The following ZNF672 variants were observed in gnomAD, a reference collection of about 807,000 sequenced individuals.
ZNF672 encodes hypothetical protein FLJ22301.
For missense variants in ZNF672, 733 were observed against 701.1 expected, an observed-to-expected ratio of 1.05 and a Z score of -0.51; for synonymous variants, 358 against 305.6, an observed-to-expected ratio of 1.17 and a Z score of -1.79.
At chr1:248,844,029 C>G (rs1381284475) in intron 1 of ZNF672, among the ~76,000 whole-genome samples, 1 of 152,196 alleles carries the variant, frequency 6.6e-6, no homozygotes, top group African/African-American at 2.4e-5. Flanking sequence ...CCCAGAAATG[C>G]TGGCGTGGCA....
In ZNF672 at chr1:248,838,261, A is replaced by G. The variant is rs1028374851; in HGVS notation, c.-765A>G. On this transcript the variant is annotated 5_prime_UTR_variant, in exon 1 of 4. Coordinates refer to ENST00000306562, the MANE Select transcript of ZNF672 (RefSeq NM_024836.3). ...TTCCCGGCTCCAGCTGGGGCCGGAG[A>G]GGCTGAGTGGTTGGTACGCTGCTCG... The G allele has an allele frequency of 6.6e-6, 1 of 152,132 alleles. No homozygotes were observed. The highest frequency in any genetic ancestry group is 1.5e-5 in the Non-Finnish European group (1 of 68,080). The allele number at this position is 152,132 out of a possible 1,614,324, so 9.4% of individuals were successfully genotyped here.
chr1:248,848,280 G>A lies in ZNF672; in HGVS notation c.1006G>A (p.Glu336Lys), dbSNP rs557491045. The A allele has an allele frequency of 2.5e-6, 4 of 1,602,944 alleles. No individual in the cohort carries two copies. Among genetic ancestry groups the A allele is most frequent in the Non-Finnish European group, 3.4e-6 (4 of 1,179,314 alleles). Residue 336 changes from glutamate (E) to lysine (K), a missense_variant, in exon 4 of 4, where the codon GAG becomes AAG. By Grantham distance (56) the Glu-to-Lys change is moderately conservative (BLOSUM62 1). Coordinates refer to ENST00000306562, the MANE Select transcript of ZNF672 (RefSeq NM_024836.3). ...LTKHRRTHTG[E>K]KPYRCELCGK... ...CAAGCACCGGCGCACGCACACGGGC[G>A]AGAAGCCCTACCGCTGCGAACTGTG...
rs202084240 is a variant in ZNF672, at chr1:248,847,208, AG to A, written c.-66del. 7,733 of 1,537,954 alleles carry A rather than the reference AG, an allele frequency of 5.0e-3. 329 individuals are homozygous for A. The African/African-American group carries it at 0.09, about 18-fold the overall frequency. ...CCAGGCCTTAAGAGAAGTAAAACTT[AG>A]CTGCAGCGTCAGGAGGTGGACCCCA... On this transcript the variant is annotated 5_prime_UTR_variant, in exon 4 of 4. Transcript: ENST00000306562.
In ZNF672 at chr1:248,848,204, C is replaced by T. The variant is rs780266925; in HGVS notation, c.930C>T (p.Pro310=). 1.2e-6 allele frequency: 2 copies of T among 1,600,448 alleles called. No homozygotes were observed. Among genetic ancestry groups the T allele is most frequent in the Non-Finnish European group, 1.7e-6 (2 of 1,177,102 alleles). The change falls in exon 4 of 4, where the codon CCC becomes CCT. Residue 310 remains proline (P), a synonymous_variant. Coordinates refer to ENST00000306562, the MANE Select transcript of ZNF672 (RefSeq NM_024836.3). ...VHQRIHTGEK[P]FACPECGRRF... ...AGCGCATCCACACGGGCGAGAAGCC[C>T]TTCGCGTGCCCCGAGTGCGGCCGCC...
rs77548200 is a variant in ZNF672 at position 248,847,343 on chromosome 1, C to T, written c.69C>T (p.Phe23=). Residue 23 remains phenylalanine (F), a synonymous_variant, in exon 4 of 4, where the codon TTC becomes TTT. Coordinates refer to ENST00000306562, the MANE Select transcript of ZNF672 (RefSeq NM_024836.3). ...PYSCSECGKS[F]CYSSVLLRHE... ...CGTGCAGCGAATGTGGCAAGAGCTT[C>T]TGCTACAGCTCAGTGCTGCTGCGAC... 1 of 1,612,716 alleles carries T rather than the reference C, an allele frequency of 6.2e-7. No individual in the cohort carries two copies. Among genetic ancestry groups the T allele is most frequent in the African/African-American group, 1.3e-5 (1 of 75,056 alleles).
rs931772100 is a variant in ZNF672 at position 248,838,352 on chromosome 1, G to C, written c.-674G>C. 21 of 152,234 alleles carry C rather than the reference G, an allele frequency of 1.4e-4. No individual in the cohort carries two copies. The highest frequency in any genetic ancestry group is 4.8e-4 in the African/African-American group (20 of 41,458). The allele number at this position is 152,234 out of a possible 1,614,324, so 9.4% of individuals were successfully genotyped here. On this transcript the variant is annotated 5_prime_UTR_variant, in exon 1 of 4. Coordinates refer to ENST00000306562, the MANE Select transcript of ZNF672 (RefSeq NM_024836.3). The stretch of plus-strand genomic sequence containing the variant: ...CGCCAGACTGACCACTAGCCGACGC[G>C]GGCGAGAGGGACAGGAGCGTGACCT...
intron 1 of ZNF672, among the ~76,000 whole-genome samples, chr1:248,839,617 G>T (rs1558236679): frequency 6.6e-6 from 1 of 152,062 alleles, no homozygotes; most frequent in Non-Finnish European, 1.5e-5. Context: ...TGCATTCCAA[G>T]CTGGGTGACA....
chr1:248,846,675 G>T (rs1046069511), intron 3 of ZNF672, among the ~76,000 whole-genome samples: 3 of 152,184 alleles, frequency 2.0e-5, no homozygotes, highest in African/African-American at 7.2e-5. Flanking sequence ...AAACGCAGGG[G>T]ACTTCTCACT....
chr1:248,846,274 T>C (rs758199512), intron 3 of ZNF672, among the ~76,000 whole-genome samples: 3 of 152,212 alleles, frequency 2.0e-5, no homozygotes, highest in Non-Finnish European at 4.4e-5. Flanking sequence ...CTCCCCAGCC[T>C]TTCCTGAAAA....
At position 248,847,434 on chromosome 1, in the gene ZNF672, G is replaced by C. The variant is rs775881820; in HGVS notation, c.160G>C (p.Ala54Pro). ...AGAATGCGGTGAGCGCTGTGCACGG[G>C]CTGCTGACCTCCGAGCGCACAGGCG... ...CLECGERCAR[A>P]ADLRAHRRTH... Residue 54 changes from alanine (A) to proline (P), a missense_variant, in exon 4 of 4, where the codon GCT becomes CCT. By Grantham distance (27) the Ala-to-Pro change is conservative. Transcript: ENST00000306562. 6.3e-7 allele frequency: 1 copy of C among 1,590,960 alleles called. No homozygotes were observed. Among genetic ancestry groups the C allele is most frequent in the South Asian group, 1.1e-5 (1 of 88,278 alleles).
chr1:248,844,050 C>T (rs953956676), intron 1 of ZNF672, among the ~76,000 whole-genome samples: 3 of 152,110 alleles, frequency 2.0e-5, no homozygotes, highest in African/African-American at 7.2e-5. Flanking sequence ...GAACAGATAA[C>T]CAGGGAAGAA....
In ZNF672 at chr1:248,849,481, C is replaced by A; in HGVS notation, c.*848C>A. 3.7e-6 allele frequency: 1 copy of A among 273,314 alleles called. No homozygotes were observed. The allele number at this position is 273,314 out of a possible 1,614,324, so 16.9% of individuals were successfully genotyped here. The stretch of plus-strand genomic sequence containing the variant: ...TCCCCTGGAGCCGGTCAACTTTTTG[C>A]TCATGGCTAGTGAAATAAAGTTGTT... On this transcript the variant is annotated 3_prime_UTR_variant, in exon 4 of 4. Coordinates refer to ENST00000306562, the MANE Select transcript of ZNF672 (RefSeq NM_024836.3).
chr1:248,846,120 C>T (rs572344279), intron 3 of ZNF672, among the ~76,000 whole-genome samples: 1 of 152,322 alleles, frequency 6.6e-6, no homozygotes, highest in African/African-American at 2.4e-5. Flanking sequence ...TCCAGATTCT[C>T]AGATTCCTGT....
chr1:248,844,451 T>C (rs1664725415), intron 1 of ZNF672, 32 bp from the exon 2 acceptor site: 1 of 152,206 alleles, frequency 6.6e-6, no homozygotes, highest in African/African-American at 2.4e-5. Context: ...AGTCAGTCTT[T>C]TTTTTTGGCA....
At position 248,848,669 on chromosome 1, in the gene ZNF672, T is replaced by G. The variant is rs901243748; in HGVS notation, c.*36T>G. 1 of 1,533,004 alleles carries G rather than the reference T, an allele frequency of 6.5e-7. No individual in the cohort carries two copies. The highest frequency in any genetic ancestry group is 8.8e-7 in the Non-Finnish European group (1 of 1,141,444). The allele number at this position is 1,533,004 out of a possible 1,614,324, so 95.0% of individuals were successfully genotyped here. Reference sequence around the variant, plus strand: ...CTTGCTGAGGCTTCTCTAAAGGTGGTTGGGCAAGCACCTATATAGTATCAC... The same window carrying G: ...CTTGCTGAGGCTTCTCTAAAGGTGGGTGGGCAAGCACCTATATAGTATCAC... On this transcript the variant is annotated 3_prime_UTR_variant, in exon 4 of 4. Coordinates refer to ENST00000306562, the MANE Select transcript of ZNF672 (RefSeq NM_024836.3).
chr1:248,845,943 G>C (rs2103029422), intron 3 of ZNF672, among the ~76,000 whole-genome samples: 1 of 152,330 alleles, frequency 6.6e-6, no homozygotes, highest in Admixed American at 6.5e-5. Flanking sequence ...CAGCCACATT[G>C]TGCTCTTGAC....
At position 248,847,458 on chromosome 1, in the gene ZNF672, C is replaced by T. The variant is rs1187341146; in HGVS notation, c.184C>T (p.Arg62Cys). The change falls in exon 4 of 4, where the codon CGC becomes TGC. Residue 62 changes from arginine (R) to cysteine (C), a missense_variant. Arg to Cys is a radical substitution (Grantham distance 180). Transcript: ENST00000306562. ...GGCTGCTGACCTCCGAGCGCACAGG[C>T]GCACGCATGCTGGCCAGACCCTCTA... is the stretch of plus-strand genomic sequence containing the variant. ...ARAADLRAHR[R>C]THAGQTLYIC... 2 of 1,592,294 alleles carry T rather than the reference C, an allele frequency of 1.3e-6. No homozygotes were observed. The highest frequency in any genetic ancestry group is 8.5e-7 in the Non-Finnish European group (1 of 1,169,626).
rs765988170 is a variant in ZNF672 at position 248,848,459 on chromosome 1, GGAGTGCGCA to G, written c.1193_1201del (p.Ala398_Cys400del). The stretch of plus-strand genomic sequence containing the variant: ...AGACGCACCTGGGCGAACGGCCAGC[GGAGTGCGCA>G]GAGTGCGGCAAGTGCTTCAGCCACA... On this transcript the variant is annotated inframe_deletion, in exon 4 of 4. Coordinates refer to ENST00000306562, the MANE Select transcript of ZNF672 (RefSeq NM_024836.3). The G allele has an allele frequency of 1.4e-5, 22 of 1,607,734 alleles. No individual in the cohort carries two copies. The highest frequency in any genetic ancestry group is 1.8e-5 in the Non-Finnish European group (21 of 1,178,184).
At chr1:248,846,052 G>T (rs879338015) in intron 3 of ZNF672, among the ~76,000 whole-genome samples, 12 of 152,234 alleles carry the variant, frequency 7.9e-5, no homozygotes, top group African/African-American at 2.9e-4. Context: ...GGGATATCAT[G>T]TGAGACAAAT....
Sources: allele counts gnomAD v4.1 joint callset (sites outside exome capture counted in the v4.1 genomes callset), GRCh38; gene constraint gnomAD v4.1.1; transcripts MANE v1.5; gene names NCBI Gene and HGNC (gene_info 2026-07-23, HGNC 2026-07-21).